The following DSCAM variants were observed in gnomAD, a reference collection of about 807,000 sequenced individuals.
DSCAM encodes DS cell adhesion molecule.
In DSCAM, 47 loss-of-function variants were observed where a neutral mutation model predicts 217.7. The ratio of observed to expected loss-of-function variants is 0.22; its 90% CI spans 0.17 to 0.28. The LOEUF (loss-of-function observed/expected upper bound fraction) is 0.28, where lower values mean the gene tolerates loss of function less well. Among genes scored for constraint, DSCAM ranks in the 10% least tolerant of loss-of-function variants. The probability of loss-of-function intolerance (pLI) is 1.00; values close to 1 mark genes in which losing one functional copy is unlikely to be tolerated. For missense variants in DSCAM, 2,080 were observed against 2,618.3 expected (o/e 0.79, Z 4.49); for synonymous variants, 1,056 against 1,015.3 (o/e 1.04, Z -0.76).
chr21:40,380,531 T>C (rs1162202462), intron 3 of DSCAM, among the ~76,000 whole-genome samples: 1 of 152,160 alleles, frequency 6.6e-6, no homozygotes, highest in African/African-American at 2.4e-5. Context: ...TTTACATGAA[T>C]TGAGAAACAG....
intron 1 of DSCAM, among the ~76,000 whole-genome samples, chr21:40,789,197 C>G (rs2091618168): frequency 6.6e-6 from 1 of 151,064 alleles, no homozygotes; most frequent in African/African-American, 2.4e-5. Context: ...GAGAATGAAA[C>G]CAGGGAAACA....
At chr21:40,307,368 C>A (rs1382368633) in intron 9 of DSCAM, among the ~76,000 whole-genome samples, 1 of 152,056 alleles carries the variant, frequency 6.6e-6, no homozygotes, top group African/African-American at 2.4e-5. Context: ...AAATGCAAAT[C>A]AAAACCACAG....
chr21:40,249,021 A>T (rs1239316316), intron 11 of DSCAM, among the ~76,000 whole-genome samples: 3 of 152,026 alleles, frequency 2.0e-5, no homozygotes, highest in African/African-American at 7.2e-5. Flanking sequence ...GGAAAGACTG[A>T]CCCCCATGAT....
chr21:40,696,616 G>A (rs190566629), intron 2 of DSCAM, among the ~76,000 whole-genome samples: 5 of 152,232 alleles, frequency 3.3e-5, no homozygotes, highest in East Asian at 3.9e-4. Flanking sequence ...CAACCAGCGC[G>A]CAGATCTTGG....
chr21:40,829,658 T>C (rs2091997256), intron 1 of DSCAM, among the ~76,000 whole-genome samples: 1 of 152,206 alleles, frequency 6.6e-6, no homozygotes, highest in African/African-American at 2.4e-5. Flanking sequence ...TCGAGATCAC[T>C]ACAGACAGGT....
chr21:40,359,049 T>C (rs557191482), intron 4 of DSCAM, among the ~76,000 whole-genome samples: 1 of 152,132 alleles, frequency 6.6e-6, no homozygotes, highest in African/African-American at 2.4e-5. Context: ...TTACTAGGCA[T>C]TAGGGTAATA....
intron 29 of DSCAM, among the ~76,000 whole-genome samples, chr21:40,054,459 G>T (rs1468070528): frequency 6.6e-6 from 1 of 152,222 alleles, no homozygotes; most frequent in African/African-American, 2.4e-5. Context: ...GCAGAAGGGT[G>T]ATGGTTGATG....
intron 3 of DSCAM, among the ~76,000 whole-genome samples, chr21:40,625,031 A>C (rs2089581317): frequency 6.6e-6 from 1 of 152,176 alleles, no homozygotes; most frequent in African/African-American, 2.4e-5. Flanking sequence ...CTCACCATAA[A>C]AAAGGCAAAT....
chr21:40,635,803 T>C (rs904087845), intron 3 of DSCAM, among the ~76,000 whole-genome samples: 2 of 152,194 alleles, frequency 1.3e-5, no homozygotes, highest in African/African-American at 4.8e-5. Flanking sequence ...AGAGCCTTTT[T>C]AGATAAAAAT....
rs139656779 is a variant in DSCAM at position 40,061,585 on chromosome 21, A to G, written c.4919+1284T>C. On this transcript the variant is annotated intron_variant, in intron 28 of 32. Transcript: ENST00000400454. ...ACTCTGTCCCAAAAAAAAAAAAAAA[A>G]GAAAAAGGAAAAGACTTATCCTTCA... Among the ~76,000 whole-genome samples the G allele has an allele frequency of 1.4e-3, 130 of 92,076 alleles. 5 individuals carry two copies. Among genetic ancestry groups the G allele is most frequent in the Middle Eastern group, 7.8e-3 (1 of 128 alleles). The allele number at this position is 92,076 out of a possible 152,430, so 60.4% of individuals were successfully genotyped here.
chr21:40,501,757 A>T (rs1437356922), intron 3 of DSCAM, among the ~76,000 whole-genome samples: 1 of 151,914 alleles, frequency 6.6e-6, no homozygotes, highest in African/African-American at 2.4e-5. Flanking sequence ...ATGCCCAGCT[A>T]ATTTTTGTAT....
At chr21:40,128,811 G>T (rs1310184447) in intron 19 of DSCAM, among the ~76,000 whole-genome samples, 2 of 152,150 alleles carry the variant, frequency 1.3e-5, no homozygotes, top group African/African-American at 4.8e-5. Context: ...CCCTCAGCAG[G>T]GGACTCAGCT....
intron 32 of DSCAM, among the ~76,000 whole-genome samples, chr21:40,023,046 C>A (rs2088305125): frequency 7.1e-6 from 1 of 141,332 alleles, no homozygotes; most frequent in South Asian, 2.4e-4. Flanking sequence ...CTACAGTCCC[C>A]AGAGTGTGAT....
chr21:40,281,109 G>GC lies in DSCAM; in HGVS notation c.2183-4840_2183-4839insG, dbSNP rs953902193. Among the ~76,000 whole-genome samples the GC allele has an allele frequency of 1.5e-4, 8 of 54,852 alleles. No individual in the cohort carries two copies. In the Admixed American group the frequency reaches 1.6e-3, roughly 11 times the overall value. 36.0% of individuals were successfully genotyped at this position (54,852 alleles called of 152,430 possible). On this transcript the variant is annotated intron_variant, in intron 10 of 32. Transcript: ENST00000400454. The stretch of plus-strand genomic sequence containing the variant: ...ACATGCATTCCAGACCTACAGAAAT[G>GC]GAAGCTATTAAATGTATACTATCTT...
intron 1 of DSCAM, among the ~76,000 whole-genome samples, chr21:40,844,680 G>A (rs1336498506): frequency 6.6e-6 from 1 of 151,218 alleles, no homozygotes; most frequent in Non-Finnish European, 1.5e-5. Context: ...TTATTTCTAT[G>A]ATTGTTTATT....
At chr21:40,517,313 C>T (rs1378864777) in intron 3 of DSCAM, among the ~76,000 whole-genome samples, 1 of 149,210 alleles carries the variant, frequency 6.7e-6, no homozygotes, top group Non-Finnish European at 1.5e-5. Flanking sequence ...TGCAAATGTA[C>T]ATATTCACCT....
chr21:40,424,336 A>C (rs200099388), intron 3 of DSCAM, among the ~76,000 whole-genome samples: 1 of 152,192 alleles, frequency 6.6e-6, no homozygotes, highest in East Asian at 1.9e-4. Flanking sequence ...GTTCAATATA[A>C]GTGGTGTCCT....
At chr21:40,484,661 T>G (rs2076010144) in intron 3 of DSCAM, among the ~76,000 whole-genome samples, 1 of 152,136 alleles carries the variant, frequency 6.6e-6, no homozygotes, top group South Asian at 2.1e-4. Context: ...CACTGCGTCA[T>G]CTCCTGAAGC....
rs112364747 is a variant in DSCAM, at chr21:40,696,662, C to A, written c.362-3706G>T. 4.0e-3 allele frequency among the ~76,000 whole-genome samples: 610 copies of A among 152,182 alleles called. 3 individuals carry two copies. The highest frequency in any genetic ancestry group is 0.014 in the African/African-American group (577 of 41,502). ...TCAGGGATGCCAGTAGGGTCCACTG[C>A]AATCATTTTAGCCTTCATTCAGTAA... is the stretch of plus-strand genomic sequence containing the variant. On this transcript the variant is annotated intron_variant, in intron 2 of 32. Coordinates refer to ENST00000400454, the MANE Select transcript of DSCAM (RefSeq NM_001389.5).
Sources: allele counts gnomAD v4.1 joint callset (sites outside exome capture counted in the v4.1 genomes callset), GRCh38; gene constraint gnomAD v4.1.1; transcripts MANE v1.5; gene names NCBI Gene and HGNC (gene_info 2026-07-23, HGNC 2026-07-21).